The following ADAM2 variants were observed in gnomAD, a reference collection of about 807,000 sequenced individuals.
ADAM2 encodes the protein disintegrin and metalloproteinase domain-containing protein 2.
In ADAM2, 101 loss-of-function variants were observed where a neutral mutation model predicts 99.3. The ratio of observed to expected loss-of-function variants is 1.02; its 90% CI spans 0.87 to 1.20. The LOEUF (loss-of-function observed/expected upper bound fraction) is 1.20, where lower values mean the gene tolerates loss of function less well. Among genes scored for constraint, ADAM2 ranks in the 50% most tolerant of loss-of-function variants. The pLI, the probability that ADAM2 is intolerant of heterozygous loss-of-function variation, is 0.00. For synonymous variants in ADAM2, 323 were observed against 287.6 expected, an observed-to-expected ratio of 1.12 and a Z score of -1.25; for missense variants, 948 against 878.7, an observed-to-expected ratio of 1.08 and a Z score of -1.00.
intron 9 of ADAM2, among the ~76,000 whole-genome samples, 182 bp from the exon 10 acceptor site, chr8:39,787,237 A>G (rs1247847763): frequency 6.6e-6 from 1 of 151,876 alleles, no homozygotes; most frequent in African/African-American, 2.4e-5. Context: ...TTTTAAAAAC[A>G]AAGTGTATTT....
At chr8:39,834,771 T>C (rs1448259621) in intron 2 of ADAM2, among the ~76,000 whole-genome samples, 1 of 150,806 alleles carries the variant, frequency 6.6e-6, no homozygotes, top group Non-Finnish European at 1.5e-5. Context: ...TTTAGTCCCT[T>C]TCCACTAATT....
At chr8:39,819,271 T>C (rs1196194561) in intron 6 of ADAM2, among the ~76,000 whole-genome samples, 2 of 152,008 alleles carry the variant, frequency 1.3e-5, no homozygotes, top group African/African-American at 2.4e-5. Context: ...GAATGCTCAA[T>C]GAGGAAAAAA....
chr8:39,831,435 G>T (rs1181387126), intron 3 of ADAM2, among the ~76,000 whole-genome samples: 2 of 152,108 alleles, frequency 1.3e-5, no homozygotes, highest in African/African-American at 4.8e-5. Context: ...GAGGATGGTG[G>T]AAGATAAAGT....
intron 11 of ADAM2, among the ~76,000 whole-genome samples, chr8:39,776,517 T>C (rs1802992098): frequency 6.6e-6 from 1 of 152,100 alleles, no homozygotes; most frequent in African/African-American, 2.4e-5. Context: ...ACATTCATAA[T>C]GTACTATAAG....
intron 10 of ADAM2, among the ~76,000 whole-genome samples, chr8:39,783,976 C>A (rs917441483): frequency 2.6e-5 from 4 of 151,962 alleles, no homozygotes; most frequent in African/African-American, 9.7e-5. Flanking sequence ...AGTGAAAAAT[C>A]ATATGCTGAT....
intron 7 of ADAM2, among the ~76,000 whole-genome samples, chr8:39,789,781 G>T (rs1803625484): frequency 6.7e-6 from 1 of 150,344 alleles, no homozygotes; most frequent in South Asian, 2.1e-4. Flanking sequence ...AAAAATATTT[G>T]CAAAATATAT....
At chr8:39,782,186 G>A (rs34036527) in intron 10 of ADAM2, among the ~76,000 whole-genome samples, 7,421 of 152,144 alleles carry the variant, frequency 0.049, 256 homozygotes, top group Non-Finnish European at 0.076. Flanking sequence ...CATTAAGTTT[G>A]CTGAGAGTAT....
chr8:39,800,998 A>G (rs1804183749), intron 7 of ADAM2, among the ~76,000 whole-genome samples: 2 of 152,180 alleles, frequency 1.3e-5, no homozygotes, highest in Middle Eastern at 3.4e-3. Flanking sequence ...ATAGTTTTTT[A>G]TTAACCATCT....
At chr8:39,829,585 A>AT (rs1191390589) in intron 3 of ADAM2, among the ~76,000 whole-genome samples, 1 of 151,992 alleles carries the variant, frequency 6.6e-6, no homozygotes, top group Non-Finnish European at 1.5e-5. Flanking sequence ...GAGTGTGTAA[A>AT]TTAGTATACT....
At chr8:39,749,587 G>GTA in intron 17 of ADAM2, 80 bp downstream of exon 17, 2 of 447,158 alleles carry the variant, frequency 4.5e-6, no homozygotes, top group African/African-American at 5.8e-5. Context: ...GTGTGTGTGC[G>GTA]TGTGTGTGTG....
chr8:39,790,898 T>C (rs1441532044), intron 7 of ADAM2, among the ~76,000 whole-genome samples: 1 of 151,866 alleles, frequency 6.6e-6, no homozygotes, highest in Non-Finnish European at 1.5e-5. Flanking sequence ...ACTCCAACCA[T>C]GTCTAATTAA....
intron 3 of ADAM2, among the ~76,000 whole-genome samples, chr8:39,826,503 C>T (rs1264014951): frequency 6.6e-6 from 1 of 152,062 alleles, no homozygotes; most frequent in Non-Finnish European, 1.5e-5. Context: ...GCGGGTAGAT[C>T]ACGAGGTCGG....
At chr8:39,775,577 T>C (rs753701895) in intron 11 of ADAM2, among the ~76,000 whole-genome samples, 4 of 152,134 alleles carry the variant, frequency 2.6e-5, no homozygotes, top group East Asian at 1.9e-4. Context: ...TAGGACTCTA[T>C]ATGAAACTGA....
intron 1 of ADAM2, among the ~76,000 whole-genome samples, chr8:39,837,829 G>T (rs2129589726): frequency 6.6e-6 from 1 of 152,222 alleles, no homozygotes; most frequent in Non-Finnish European, 1.5e-5. Flanking sequence ...ACAGAAGTTG[G>T]GTCTCAACTT....
At chr8:39,753,829 A>ACT (rs1554519752) in intron 16 of ADAM2, among the ~76,000 whole-genome samples, 1 of 151,602 alleles carries the variant, frequency 6.6e-6, no homozygotes, top group Admixed American at 6.6e-5. Flanking sequence ...ACACACACAC[A>ACT]CTCACACACA....
At chr8:39,754,937 A>G (rs1035012156) in intron 16 of ADAM2, among the ~76,000 whole-genome samples, 2 of 152,104 alleles carry the variant, frequency 1.3e-5, no homozygotes, top group Admixed American at 6.6e-5. Context: ...ATATTCTACA[A>G]CTCCATGTGT....
chr8:39,819,615 C>A (rs1805095561), intron 6 of ADAM2, among the ~76,000 whole-genome samples: 1 of 152,080 alleles, frequency 6.6e-6, no homozygotes, highest in Admixed American at 6.6e-5. Flanking sequence ...TTCATCCAAT[C>A]AGTTAAAGCC....
intron 15 of ADAM2, 85 bp downstream of exon 15, chr8:39,761,091 T>C: frequency 1.4e-6 from 1 of 721,548 alleles, no homozygotes; most frequent in Non-Finnish European, 2.2e-6. Context: ...GGGGATATTT[T>C]GCTTACATAA....
chr8:39,776,819 C>T (rs1471832113), intron 11 of ADAM2, among the ~76,000 whole-genome samples: 8 of 152,040 alleles, frequency 5.3e-5, no homozygotes, highest in African/African-American at 1.7e-4. Context: ...AGTGTTAGAT[C>T]ACATGTGAGA....
Sources: allele counts gnomAD v4.1 joint callset (sites outside exome capture counted in the v4.1 genomes callset), GRCh38; gene constraint gnomAD v4.1.1; transcripts MANE v1.5; gene names NCBI Gene and HGNC (gene_info 2026-07-23, HGNC 2026-07-21).